The following FAM120B variants were observed in gnomAD, a reference collection of about 807,000 sequenced individuals.
FAM120B encodes the protein constitutive coactivator of peroxisome proliferator-activated receptor gamma.
Under a neutral mutation model 96.3 loss-of-function variants are expected in FAM120B, and 83 were observed. The observed-to-expected ratio is 0.86, with a 90% CI of 0.72 to 1.03. The LOEUF is 1.03. FAM120B is among the 50% of genes least tolerant of loss of function. The pLI, the probability that FAM120B is intolerant of heterozygous loss-of-function variation, is 0.00. For missense variants in FAM120B, 1,027 were observed against 1,121.2 expected (o/e 0.92, Z 1.20); for synonymous variants, 407 against 402.7 (o/e 1.01, Z -0.13).
upstream of FAM120B, chr6:170,306,727 G>C (rs1469990808): frequency 6.6e-6 from 1 of 152,516 alleles, no homozygotes; most frequent in Non-Finnish European, 1.5e-5. Context: ...GCCAAGTCCC[G>C]AGCGGAAGCG....
Position 170,295,856 on chromosome 6 carries a change from C to T in FAM120B, c.48+403C>T, listed in dbSNP as rs1244644122. Reference sequence around the variant, plus strand: ...CGCCCACCTCTCGCGTGCGTGGAGCCCGGGGCCGAGGCCAGGCCCGCTGCG... The same window carrying T: ...CGCCCACCTCTCGCGTGCGTGGAGCTCGGGGCCGAGGCCAGGCCCGCTGCG... On this transcript the variant is annotated intron_variant, in intron 1 of 10. Coordinates refer to the FAM120B transcript ENST00000537664. This position sits in a 1 kb window ranked among gnomAD's most constrained non-coding sequence, Gnocchi z 7.8. 6.6e-6 allele frequency among the ~76,000 whole-genome samples: 1 copy of T among 152,084 alleles called. No individual in the cohort carries two copies. Among genetic ancestry groups the T allele is most frequent in the Non-Finnish European group, 1.5e-5 (1 of 67,986 alleles).
In FAM120B at chr6:170,391,128, A is replaced by G; in HGVS notation, c.2599+7A>G. On this transcript the variant is annotated splice_region_variant and intron_variant, in intron 8 of 10. Coordinates refer to ENST00000476287, the MANE Select transcript of FAM120B (RefSeq NM_032448.3). ...TGGGGCTCACACCACGCAGGTGGGA[A>G]AGGGCCAGGTGCCTCTAGAAGCCCC... 1.2e-6 allele frequency: 2 copies of G among 1,605,344 alleles called. No individual in the cohort carries two copies. Among genetic ancestry groups the G allele is most frequent in the South Asian group, 1.1e-5 (1 of 90,776 alleles).
At chr6:170,301,292 C>T (rs949874808) in intron 1 of FAM120B, among the ~76,000 whole-genome samples, 2 of 152,240 alleles carry the variant, frequency 1.3e-5, no homozygotes, top group Non-Finnish European at 2.9e-5. Flanking sequence ...CTGATCTGTA[C>T]ATTGGCACAT....
chr6:170,343,914 G>A (rs897935863), intron 4 of FAM120B, among the ~76,000 whole-genome samples: 3 of 152,180 alleles, frequency 2.0e-5, no homozygotes, highest in African/African-American at 7.3e-5. Flanking sequence ...CGATGAAATC[G>A]TTCAGTCCAT....
chr6:170,318,262 G>C lies in FAM120B; in HGVS notation c.872G>C (p.Gly291Ala), dbSNP rs1273717725. The C allele has an allele frequency of 5.0e-6, 8 of 1,613,944 alleles. No homozygotes were observed. The highest frequency in any genetic ancestry group is 8.5e-7 in the Non-Finnish European group (1 of 1,180,018). ...EKKLEEILPLGPNKALFYKGM... is the reference protein window; with the variant it reads ...EKKLEEILPLAPNKALFYKGM... ...AAATTAGAAGAGATATTACCTCTGG[G>C]ACCAAACAAAGCTCTTTTTTATAAA... Residue 291 changes from glycine to alanine, a missense_variant, in exon 2 of 11, where the codon GGA becomes GCA. Around this residue, in one of 3 missense-constraint regions of FAM120B, gnomAD observed 880 missense variants for 980.9 expected, o/e 0.90. Transcript: ENST00000476287.
intron 5 of FAM120B, among the ~76,000 whole-genome samples, chr6:170,357,953 T>C (rs2115182872): frequency 6.6e-6 from 1 of 152,352 alleles, no homozygotes; most frequent in African/African-American, 2.4e-5. Flanking sequence ...TGCCTGTGCA[T>C]GTGCCTGTTT....
chr6:170,393,817 G>A (rs1790592948), intron 8 of FAM120B, among the ~76,000 whole-genome samples: 1 of 152,190 alleles, frequency 6.6e-6, no homozygotes, highest in African/African-American at 2.4e-5. Context: ...CACCTCCTGT[G>A]TTGGGGAAGG....
At chr6:170,336,519 C>G (rs995441930) in intron 4 of FAM120B, among the ~76,000 whole-genome samples, 1 of 151,958 alleles carries the variant, frequency 6.6e-6, no homozygotes, top group Non-Finnish European at 1.5e-5. Flanking sequence ...GCTATACGGG[C>G]TTTTTGGTTC....
chr6:170,352,480 T>A (rs1787643243), intron 5 of FAM120B, among the ~76,000 whole-genome samples: 1 of 152,228 alleles, frequency 6.6e-6, no homozygotes, highest in Non-Finnish European at 1.5e-5. Context: ...TATACATTCT[T>A]CTCATTGCTG....
chr6:170,358,436 T>C, intron 6 of FAM120B, 118 bp downstream of exon 6: 1 of 751,502 alleles, frequency 1.3e-6, no homozygotes, highest in South Asian at 1.8e-5. Flanking sequence ...TTAGTCAGGA[T>C]CTTTTCGTGA....
chr6:170,352,841 A>G (rs915355039), intron 5 of FAM120B, among the ~76,000 whole-genome samples: 37 of 152,232 alleles, frequency 2.4e-4, no homozygotes, highest in Non-Finnish European at 4.4e-5. Flanking sequence ...AACCAAGAGC[A>G]AAAGAAAACC....
chr6:170,307,827 G>A (rs965014964), intron 1 of FAM120B, among the ~76,000 whole-genome samples: 1 of 152,170 alleles, frequency 6.6e-6, no homozygotes, highest in Non-Finnish European at 1.5e-5. Context: ...CCCCGAAATG[G>A]TAGTGGAGAG....
chr6:170,383,771 G>A (rs1048817562), intron 6 of FAM120B, among the ~76,000 whole-genome samples: 1 of 152,198 alleles, frequency 6.6e-6, no homozygotes, highest in Non-Finnish European at 1.5e-5. Context: ...ATCTGAACTA[G>A]CAATCACATG....
At chr6:170,357,672 T>A (rs1788040718) in intron 5 of FAM120B, among the ~76,000 whole-genome samples, 1 of 152,208 alleles carries the variant, frequency 6.6e-6, no homozygotes, top group South Asian at 2.1e-4. Flanking sequence ...TCTGTGCAAT[T>A]TGTCCCAAAC....
intron 3 of FAM120B, among the ~76,000 whole-genome samples, chr6:170,326,818 A>G (rs1785618066): frequency 6.6e-6 from 1 of 152,156 alleles, no homozygotes; most frequent in Non-Finnish European, 1.5e-5. Flanking sequence ...AGCTCACTGC[A>G]GCCTTCAACT....
At chr6:170,392,027 T>C (rs1442479508) in intron 8 of FAM120B, among the ~76,000 whole-genome samples, 3 of 152,342 alleles carry the variant, frequency 2.0e-5, no homozygotes, top group East Asian at 3.9e-4. Flanking sequence ...TTTTTCTCAT[T>C]ACTCCTAATG....
chr6:170,373,820 C>T (rs1393542676), intron 6 of FAM120B, among the ~76,000 whole-genome samples: 1 of 152,184 alleles, frequency 6.6e-6, no homozygotes. Flanking sequence ...TATCTTCTGT[C>T]TCCCAGACCT....
rs1209349238 is a variant in FAM120B at position 170,312,548 on chromosome 6, A to G, written c.-21-4822A>G. Among the ~76,000 whole-genome samples the G allele has an allele frequency of 2.6e-5, 4 of 152,200 alleles. No individual in the cohort carries two copies. The East Asian group carries it at 7.7e-4, about 29-fold the overall frequency. Reference sequence around the variant, plus strand: ...TATTCTGGAACTTTTCGTTTTATCAACAAAACTCTACCCATTATTCTCCCA... The same window carrying G: ...TATTCTGGAACTTTTCGTTTTATCAGCAAAACTCTACCCATTATTCTCCCA... On this transcript the variant is annotated intron_variant, in intron 1 of 10. Transcript: ENST00000476287.
At position 170,295,573 on chromosome 6, in the gene FAM120B, C is replaced by T. The variant is rs1000339874; in HGVS notation, c.48+120C>T. The T allele has an allele frequency of 1.1e-5, 6 of 563,584 alleles. No homozygotes were observed. The highest frequency in any genetic ancestry group is 1.2e-5 in the Non-Finnish European group (4 of 323,176). 34.9% of individuals were successfully genotyped at this position (563,584 alleles called of 1,614,324 possible). A position where few individuals can be genotyped will look rare whatever the true frequency, so the allele number is the denominator to read the frequency against. ...GCGCGAAGGTGGGCGACGGTGGGGG[C>T]ACAAGAACAGCAGCCGGGGGCGAAG... On this transcript the variant is annotated intron_variant, in intron 1 of 10. Transcript: ENST00000537664. This position sits in a 1 kb window ranked among gnomAD's most constrained non-coding sequence, Gnocchi z 7.8.
Sources: gnomAD v4.1 joint callset for allele counts (sites outside exome capture counted in the v4.1 genomes callset) on GRCh38, gnomAD v4.1.1 for gene constraint, gnomAD v4.1.1 regional missense constraint, Gnocchi (gnomAD v3.1) non-coding constraint, MANE v1.5 for transcripts, NCBI Gene and HGNC (gene_info 2026-07-23, HGNC 2026-07-21) for gene names.